Variants in CPEB3 observed in about 807,000 individuals in gnomAD.
CPEB3 encodes cytoplasmic polyadenylation element binding protein 3, also known as cytoplasmic polyadenylation element-binding protein 3.
In CPEB3, 20 loss-of-function variants were observed where a neutral mutation model predicts 67.2. That is an observed-to-expected ratio of 0.30 (90% CI 0.21 to 0.43). CPEB3 has a LOEUF of 0.43. Among genes scored for constraint, CPEB3 ranks in the 20% least tolerant of loss-of-function variants. The pLI is 1.00. For missense variants in CPEB3, 746 were observed against 968.6 expected (o/e 0.77, Z 3.05); for synonymous variants, 376 against 393.1 (o/e 0.96, Z 0.51).
At chr10:92,265,318 C>G (rs1193730672) in intron 1 of CPEB3, among the ~76,000 whole-genome samples, 1 of 152,086 alleles carries the variant, frequency 6.6e-6, no homozygotes, top group East Asian at 1.9e-4. Flanking sequence ...CTTTTGAGAC[C>G]AAGCCTAGCT....
At chr10:92,257,297 ATTTAT>A (rs1200980046) in intron 1 of CPEB3, among the ~76,000 whole-genome samples, 7 of 152,134 alleles carry the variant, frequency 4.6e-5, no homozygotes, top group East Asian at 1.9e-4. Context: ...TTAACAAATT[ATTTAT>A]TTTATTTTTT....
At chr10:92,058,375 G>A (rs991581391) in intron 9 of CPEB3, among the ~76,000 whole-genome samples, 21 of 151,922 alleles carry the variant, frequency 1.4e-4, no homozygotes, top group Admixed American at 3.9e-4. Context: ...GCAAAACCCT[G>A]TCTCTACTAA....
At chr10:92,234,152 C>T (rs1449483009) in intron 2 of CPEB3, among the ~76,000 whole-genome samples, 1 of 148,130 alleles carries the variant, frequency 6.8e-6, no homozygotes, top group African/African-American at 2.5e-5. Flanking sequence ...GAGATACAGA[C>T]AGAAAGTATG....
At chr10:92,237,728 A>G (rs917615866) in intron 2 of CPEB3, among the ~76,000 whole-genome samples, 4 of 152,204 alleles carry the variant, frequency 2.6e-5, no homozygotes, top group African/African-American at 9.6e-5. Flanking sequence ...CTTTCCTACC[A>G]AATGCAGCCT....
In CPEB3 at chr10:92,145,063, A is replaced by G. The variant is rs764830925; in HGVS notation, c.1245T>C (p.His415=). ...ALNNAFLDDS[H]GDQALSSGLS... ...AGCCAGATGACAAGGCTTGATCACC[A>G]TGGCTATCATCCAGGAAGGCATCTT... The change falls in exon 5 of 10, where the codon CAT becomes CAC. Residue 415 remains histidine (H), a synonymous_variant. Coordinates refer to ENST00000265997, the MANE Select transcript of CPEB3 (RefSeq NM_014912.5). 2.7e-5 allele frequency: 44 copies of G among 1,614,028 alleles called. No homozygotes were observed. The highest frequency in any genetic ancestry group is 2.1e-4 in the South Asian group (19 of 91,090).
intron 4 of CPEB3, 166 bp from the exon 5 acceptor site, chr10:92,145,251 T>A: frequency 1.5e-6 from 1 of 678,380 alleles, no homozygotes; most frequent in Non-Finnish European, 2.5e-6. Context: ...TTAACAGGAC[T>A]GAATATTACC....
Position 92,187,894 on chromosome 10 carries a change from G to C in CPEB3, c.1165+4583C>G, listed in dbSNP as rs191384112. ...GCCAACCCAAGGATTTCTGTACTTCGAAAAAGAAATAAGAAACAGGGCCAG... is the reference window on the plus strand; with the variant it reads ...GCCAACCCAAGGATTTCTGTACTTCCAAAAAGAAATAAGAAACAGGGCCAG... On this transcript the variant is annotated intron_variant, in intron 3 of 9. Coordinates refer to ENST00000265997, the MANE Select transcript of CPEB3 (RefSeq NM_014912.5). Among the ~76,000 whole-genome samples the C allele has an allele frequency of 1.0e-3, 158 of 152,172 alleles. 2 individuals carry two copies. The highest frequency in any genetic ancestry group is 0.01 in the Admixed American group (155 of 15,268).
At chr10:92,148,278 T>A (rs1846787896) in intron 4 of CPEB3, among the ~76,000 whole-genome samples, 1 of 152,136 alleles carries the variant, frequency 6.6e-6, no homozygotes, top group African/African-American at 2.4e-5. Flanking sequence ...CACACAGACC[T>A]CCTTCGTATT....
At chr10:92,105,613 AT>A (rs1844405433) in intron 7 of CPEB3, among the ~76,000 whole-genome samples, 1 of 151,570 alleles carries the variant, frequency 6.6e-6, no homozygotes, top group Non-Finnish European at 1.5e-5. Context: ...CATAATCTGT[AT>A]CTTATTCTTT....
intron 1 of CPEB3, among the ~76,000 whole-genome samples, chr10:92,244,957 G>A (rs1174763796): frequency 6.6e-6 from 1 of 152,112 alleles, no homozygotes; most frequent in Non-Finnish European, 1.5e-5. Context: ...GTCAGTTGAT[G>A]ACTATGCTGA....
intron 8 of CPEB3, among the ~76,000 whole-genome samples, chr10:92,088,510 T>C (rs781309724): frequency 1.3e-5 from 2 of 152,144 alleles, no homozygotes; most frequent in Non-Finnish European, 2.9e-5. Flanking sequence ...CTGCTTAAAA[T>C]AGGTTGCCTT....
intron 1 of CPEB3, among the ~76,000 whole-genome samples, chr10:92,267,293 TA>T (rs1208355623): frequency 6.6e-6 from 1 of 152,158 alleles, no homozygotes; most frequent in Non-Finnish European, 1.5e-5. Flanking sequence ...TACAACCCTT[TA>T]AAAATATAAA....
chr10:92,197,172 C>T lies in CPEB3; in HGVS notation c.1006-4536G>A, dbSNP rs1232950513. 5.9e-5 allele frequency among the ~76,000 whole-genome samples: 9 copies of T among 152,174 alleles called. No individual in the cohort carries two copies. In the East Asian group the frequency reaches 1.2e-3, roughly 19 times the overall value. On this transcript the variant is annotated intron_variant, in intron 2 of 9. Coordinates refer to ENST00000265997, the MANE Select transcript of CPEB3 (RefSeq NM_014912.5). The stretch of plus-strand genomic sequence containing the variant: ...ATGAAAACATATGACATGTGAATGG[C>T]ATGATAGAATTTGTACAGGCTTAAT...
chr10:92,241,282 G>A (rs2134692342), intron 1 of CPEB3, among the ~76,000 whole-genome samples: 1 of 150,716 alleles, frequency 6.6e-6, no homozygotes, highest in East Asian at 2.0e-4. Flanking sequence ...TAAGGTCAGA[G>A]AGTGCGCGCG....
chr10:92,274,615 TG>T (rs1841891822), intron 1 of CPEB3, among the ~76,000 whole-genome samples: 1 of 151,638 alleles, frequency 6.6e-6, no homozygotes, highest in African/African-American at 2.4e-5. Context: ...CCCAGGCGGG[TG>T]GATCATTTGA....
rs531162021 is a variant in CPEB3 at position 92,274,713 on chromosome 10, C to T, written c.-12+16213G>A. The stretch of plus-strand genomic sequence containing the variant: ...AAAATTAGCTGGGTGTGGTGGTGCA[C>T]GCCTATAATCCCAGCTACTCAGGAG... On this transcript the variant is annotated intron_variant, in intron 1 of 9. Coordinates refer to ENST00000265997, the MANE Select transcript of CPEB3 (RefSeq NM_014912.5). 1.6e-3 allele frequency among the ~76,000 whole-genome samples: 240 copies of T among 152,076 alleles called. 1 individual carries two copies. The highest frequency in any genetic ancestry group is 5.4e-3 in the African/African-American group (226 of 41,482).
At chr10:92,170,719 G>C (rs1223536778) in intron 4 of CPEB3, among the ~76,000 whole-genome samples, 1 of 152,122 alleles carries the variant, frequency 6.6e-6, no homozygotes. Flanking sequence ...GGAAGAGAGA[G>C]AAAGAAAGAA....
intron 4 of CPEB3, among the ~76,000 whole-genome samples, chr10:92,154,022 C>T (rs567061866): frequency 1.7e-4 from 26 of 150,906 alleles, no homozygotes; most frequent in African/African-American, 6.3e-4. Context: ...TTCTGCTAAA[C>T]ATCAAAAATA....
intron 1 of CPEB3, among the ~76,000 whole-genome samples, chr10:92,285,877 C>G (rs1258662219): frequency 6.6e-6 from 1 of 152,022 alleles, no homozygotes; most frequent in Non-Finnish European, 1.5e-5. Context: ...TTATTTGACA[C>G]TTCCTCAAAT....
Sources: gnomAD v4.1 joint callset for allele counts (sites outside exome capture counted in the v4.1 genomes callset) on GRCh38, gnomAD v4.1.1 for gene constraint, MANE v1.5 for transcripts, NCBI Gene and HGNC (gene_info 2026-07-23, HGNC 2026-07-21) for gene names.